The following KCNT1 variants were observed in gnomAD, a reference collection of about 807,000 sequenced individuals.
KCNT1 encodes the protein potassium sodium-activated channel subfamily T member 1.
A neutral mutation model predicts 147.8 loss-of-function variants in KCNT1; 78 were observed. The ratio of observed to expected loss-of-function variants is 0.53; its 90% CI spans 0.44 to 0.64. The LOEUF is 0.64. Ranked by LOEUF, KCNT1 falls within the 30% of genes least tolerant of loss-of-function variation. The probability of loss-of-function intolerance (pLI) is 0.00; values close to 1 mark genes in which losing one functional copy is unlikely to be tolerated. For missense variants in KCNT1, 1,419 were observed against 1,750.3 expected, an observed-to-expected ratio of 0.81 and a Z score of 3.38; for synonymous variants, 867 against 748.8, an observed-to-expected ratio of 1.16 and a Z score of -2.58.
At chr9:135,782,056 C>T (rs1315971368) in intron 24 of KCNT1, among the ~76,000 whole-genome samples, 1 of 152,102 alleles carries the variant, frequency 6.6e-6, no homozygotes, top group African/African-American at 2.4e-5. Flanking sequence ...ACTAAAGACA[C>T]AAAAATTAGC....
chr9:135,733,202 C>A (rs1472039823), intron 2 of KCNT1, among the ~76,000 whole-genome samples: 1 of 132,964 alleles, frequency 7.5e-6, no homozygotes, highest in Non-Finnish European at 1.6e-5. Flanking sequence ...CCTGCCCCCA[C>A]ACCTGCCTTC....
At chr9:135,767,919 C>T (rs1003860473) in intron 13 of KCNT1, among the ~76,000 whole-genome samples, 2 of 151,992 alleles carry the variant, frequency 1.3e-5, no homozygotes, top group Non-Finnish European at 2.9e-5. Flanking sequence ...AAGCTGTCAG[C>T]TGGTGTCTCC....
At chr9:135,721,955 C>T (rs1028713383) in intron 2 of KCNT1, among the ~76,000 whole-genome samples, 1 of 152,184 alleles carries the variant, frequency 6.6e-6, no homozygotes, top group Admixed American at 6.5e-5. Context: ...TTCCTCCTAG[C>T]CCTGTCCCTC....
chr9:135,751,418 C>G (rs1172435205), intron 4 of KCNT1, among the ~76,000 whole-genome samples: 2 of 152,076 alleles, frequency 1.3e-5, no homozygotes, highest in African/African-American at 2.4e-5. Flanking sequence ...CTGGGGAAAG[C>G]CCCTACCTGT....
chr9:135,766,475 G>A (rs368498939), intron 13 of KCNT1, among the ~76,000 whole-genome samples: 2 of 150,596 alleles, frequency 1.3e-5, no homozygotes, highest in African/African-American at 2.4e-5. Flanking sequence ...CGGACCGTCT[G>A]GGGTATACCC....
intron 2 of KCNT1, among the ~76,000 whole-genome samples, chr9:135,739,861 G>A (rs181312222): frequency 6.6e-6 from 1 of 152,208 alleles, no homozygotes; most frequent in African/African-American, 2.4e-5. Flanking sequence ...CAGCCGCAGG[G>A]GTGGGGCTGT....
At chr9:135,750,669 T>C in intron 3 of KCNT1, 1 of 553,270 alleles carries the variant, frequency 1.8e-6, no homozygotes, top group East Asian at 3.0e-5. Context: ...ATCCCTATCC[T>C]GTCCTCCAAG....
intron 13 of KCNT1, among the ~76,000 whole-genome samples, chr9:135,768,201 G>C (rs1222783490): frequency 7.1e-6 from 1 of 141,014 alleles, no homozygotes; most frequent in Non-Finnish European, 1.5e-5. Context: ...GAGCCTGCCA[G>C]GGATGGGCCA....
At chr9:135,742,682 C>T in intron 2 of KCNT1, 2 of 713,658 alleles carry the variant, frequency 2.8e-6, no homozygotes, top group Admixed American at 2.0e-5. Context: ...TGTCTACTGC[C>T]TTCTCCATCC....
intron 29 of KCNT1, among the ~76,000 whole-genome samples, chr9:135,787,376 C>T (rs961369381): frequency 6.6e-6 from 1 of 152,210 alleles, no homozygotes; most frequent in Non-Finnish European, 1.5e-5. Context: ...CCCAGCTCCC[C>T]AGCACCGGGC....
intron 11 of KCNT1, among the ~76,000 whole-genome samples, chr9:135,763,458 A>G (rs1414439083): frequency 6.6e-6 from 1 of 152,236 alleles, no homozygotes; most frequent in Admixed American, 6.5e-5. Context: ...CAAGACAGAC[A>G]GGCAGCTTAA....
At chr9:135,763,929 C>T (rs905170934) in intron 11 of KCNT1, among the ~76,000 whole-genome samples, 2 of 152,144 alleles carry the variant, frequency 1.3e-5, no homozygotes, top group Non-Finnish European at 2.9e-5. Flanking sequence ...GGGTGTCTGA[C>T]AGCAGAGCCC....
At chr9:135,732,914 C>G (rs1229810057) in intron 2 of KCNT1, among the ~76,000 whole-genome samples, 1 of 152,018 alleles carries the variant, frequency 6.6e-6, no homozygotes, top group African/African-American at 2.4e-5. Context: ...TGGTGTCTCC[C>G]CAGCCAGACA....
chr9:135,785,484 G>A, intron 28 of KCNT1, 154 bp downstream of exon 28: 3 of 923,004 alleles, frequency 3.3e-6, no homozygotes, highest in South Asian at 1.4e-5. Flanking sequence ...GTCGGCCCCA[G>A]CACGGCTCAG....
chr9:135,772,478 C>T (rs760212112), intron 18 of KCNT1, among the ~76,000 whole-genome samples: 13 of 152,158 alleles, frequency 8.5e-5, no homozygotes, highest in Non-Finnish European at 7.4e-5. Context: ...CTGGGTGGCA[C>T]CGATGGGGCA....
At chr9:135,740,298 G>A (rs1020139228) in intron 2 of KCNT1, among the ~76,000 whole-genome samples, 1 of 152,190 alleles carries the variant, frequency 6.6e-6, no homozygotes, top group African/African-American at 2.4e-5. Flanking sequence ...GCCGGGACCT[G>A]GCTGTGCTCT....
At chr9:135,791,407 A>C in intron 29 of KCNT1, 8 of 219,078 alleles carry the variant, frequency 3.7e-5, no homozygotes, top group South Asian at 7.5e-5. Flanking sequence ...GTGTAGATGA[A>C]GGCATGCATG....
At chr9:135,766,243 G>GGACCATCC (rs1359562890) in intron 13 of KCNT1, among the ~76,000 whole-genome samples, 1 of 151,840 alleles carries the variant, frequency 6.6e-6, no homozygotes, top group African/African-American at 2.4e-5. Flanking sequence ...TGTTCAGGGT[G>GGACCATCC]GACCATCCAG....
intron 4 of KCNT1, among the ~76,000 whole-genome samples, chr9:135,751,370 G>C (rs939979201): frequency 6.6e-6 from 1 of 151,984 alleles, no homozygotes; most frequent in African/African-American, 2.4e-5. Context: ...GTGCTCACTT[G>C]AGCTTCTGCA....
Sources: gnomAD v4.1 joint callset for allele counts (sites outside exome capture counted in the v4.1 genomes callset) on GRCh38, gnomAD v4.1.1 for gene constraint, MANE v1.5 for transcripts, NCBI Gene and HGNC (gene_info 2026-07-23, HGNC 2026-07-21) for gene names.